Variants in TAF3 observed in about 807,000 individuals in gnomAD.
TAF3 encodes the protein transcription initiation factor TFIID subunit 3.
Under a neutral mutation model 80.6 loss-of-function variants are expected in TAF3, and 7 were observed. The observed-to-expected ratio is 0.09, with a 90% CI of 0.05 to 0.16. The LOEUF (loss-of-function observed/expected upper bound fraction) is 0.16, where lower values mean the gene tolerates loss of function less well. TAF3 is among the 10% of genes least tolerant of loss of function. TAF3 has a pLI of 1.00. For missense variants in TAF3, 921 were observed against 1,140.2 expected, an observed-to-expected ratio of 0.81 and a Z score of 2.77; for synonymous variants, 444 against 446.1, an observed-to-expected ratio of 1.00 and a Z score of 0.06.
intron 2 of TAF3, among the ~76,000 whole-genome samples, chr10:7,957,724 C>G (rs1197605038): frequency 6.7e-6 from 1 of 150,338 alleles, no homozygotes; most frequent in Non-Finnish European, 1.5e-5. Context: ...GTTCTTAGTT[C>G]TTTGGAAATA....
chr10:7,838,805 C>G (rs1313095912), intron 2 of TAF3, among the ~76,000 whole-genome samples: 1 of 151,994 alleles, frequency 6.6e-6, no homozygotes, highest in Non-Finnish European at 1.5e-5. Context: ...CTCTCTTGGC[C>G]CTCTCAGATA....
chr10:7,874,295 T>C (rs1837294893), intron 2 of TAF3, among the ~76,000 whole-genome samples: 1 of 152,182 alleles, frequency 6.6e-6, no homozygotes, highest in African/African-American at 2.4e-5. Flanking sequence ...TAGAGGCTAA[T>C]TATTTTTAAA....
At chr10:7,868,495 G>A (rs1004578138) in intron 2 of TAF3, among the ~76,000 whole-genome samples, 2 of 151,096 alleles carry the variant, frequency 1.3e-5, no homozygotes, top group African/African-American at 4.9e-5. Context: ...TAGCGGCCAA[G>A]TTCTAGTGAC....
intron 4 of TAF3, among the ~76,000 whole-genome samples, chr10:7,991,525 G>T (rs996467340): frequency 6.6e-6 from 1 of 151,916 alleles, no homozygotes; most frequent in Non-Finnish European, 1.5e-5. Flanking sequence ...TATTAACAGA[G>T]ATATAATATT....
chr10:7,933,850 A>G (rs1015752033), intron 2 of TAF3, among the ~76,000 whole-genome samples: 11 of 152,186 alleles, frequency 7.2e-5, no homozygotes, highest in African/African-American at 2.4e-4. Flanking sequence ...GGAGAAGAAA[A>G]CATGTTTTAT....
chr10:7,827,427 G>A (rs1179731542), intron 2 of TAF3, among the ~76,000 whole-genome samples: 2 of 152,126 alleles, frequency 1.3e-5, no homozygotes, highest in East Asian at 1.9e-4. Context: ...GGAGGCTGAA[G>A]CTTGAGCCCA....
chr10:7,966,579 C>T (rs1353510781), intron 3 of TAF3, among the ~76,000 whole-genome samples: 3 of 152,076 alleles, frequency 2.0e-5, no homozygotes, highest in South Asian at 2.1e-4. Context: ...ATAAACTTTC[C>T]GAAAAAGTAT....
At chr10:7,915,218 G>A (rs1222760154) in intron 2 of TAF3, among the ~76,000 whole-genome samples, 3 of 151,320 alleles carry the variant, frequency 2.0e-5, no homozygotes, top group Non-Finnish European at 3.0e-5. Context: ...GGGATTACGG[G>A]CAGGGCATGA....
In TAF3 at chr10:7,965,393, A is replaced by C; in HGVS notation, c.1883A>C (p.Lys628Thr). 1 of 1,610,588 alleles carries C rather than the reference A, an allele frequency of 6.2e-7. No individual in the cohort carries two copies. The highest frequency in any genetic ancestry group is 8.5e-7 in the Non-Finnish European group (1 of 1,179,200). Residue 628 changes from lysine (K) to threonine (T), a missense_variant, in exon 3 of 7, where the codon AAA becomes ACA. By Grantham distance (78) the Lys-to-Thr change is moderately conservative. This residue lies in a region of TAF3 where 743 missense variants were observed against 821.0 expected (regional missense o/e 0.90). Coordinates refer to ENST00000344293, the MANE Select transcript of TAF3 (RefSeq NM_031923.4). The part of the protein sequence containing the change: ...DKKKDREKGK[K>T]DKDKREKEKV... ...AAGAAAGATAGAGAGAAAGGCAAGA[A>C]AGATAAAGATAAGAGAGAGAAAGAA...
chr10:7,827,798 A>G (rs1311442292), intron 2 of TAF3, among the ~76,000 whole-genome samples: 1 of 150,786 alleles, frequency 6.6e-6, no homozygotes, highest in Non-Finnish European at 1.5e-5. Flanking sequence ...AAAAAAAAAC[A>G]AAAACAAAAA....
intron 2 of TAF3, among the ~76,000 whole-genome samples, chr10:7,955,729 T>C (rs990946463): frequency 6.6e-6 from 1 of 152,258 alleles, no homozygotes; most frequent in Admixed American, 6.5e-5. Context: ...AAAAATCCTT[T>C]TGGTGTGTCA....
chr10:7,866,464 G>A (rs950491899), intron 2 of TAF3, among the ~76,000 whole-genome samples: 2 of 152,204 alleles, frequency 1.3e-5, no homozygotes, highest in Admixed American at 6.5e-5. Flanking sequence ...GCCAGTCATC[G>A]TGACCAGCAA....
chr10:7,948,884 T>C (rs552220604), intron 2 of TAF3, among the ~76,000 whole-genome samples: 4 of 152,206 alleles, frequency 2.6e-5, no homozygotes, highest in Non-Finnish European at 5.9e-5. Context: ...CTTTATTAAA[T>C]GGTTTTGTTA....
At chr10:7,933,042 A>G (rs887472065) in intron 2 of TAF3, among the ~76,000 whole-genome samples, 2 of 151,994 alleles carry the variant, frequency 1.3e-5, no homozygotes, top group African/African-American at 4.8e-5. Flanking sequence ...CTAAATCCTT[A>G]TAGTTGGATA....
intron 2 of TAF3, among the ~76,000 whole-genome samples, chr10:7,869,049 A>G (rs960307699): frequency 2.6e-5 from 4 of 152,160 alleles, no homozygotes; most frequent in Non-Finnish European, 4.4e-5. Flanking sequence ...AAAACAATAC[A>G]TCGTAGAACA....
chr10:7,953,424 CTAA>C (rs1838103615), intron 2 of TAF3, among the ~76,000 whole-genome samples: 1 of 152,120 alleles, frequency 6.6e-6, no homozygotes, highest in Non-Finnish European at 1.5e-5. Flanking sequence ...AGAGATGGCC[CTAA>C]TAATAAAGAT....
intron 4 of TAF3, among the ~76,000 whole-genome samples, chr10:8,006,435 C>T (rs1234077032): frequency 6.6e-6 from 1 of 151,646 alleles, no homozygotes; most frequent in Admixed American, 6.6e-5. Flanking sequence ...TGGTGCCTGG[C>T]CCACAATTGG....
At chr10:7,982,923 C>G (rs567477066) in intron 4 of TAF3, among the ~76,000 whole-genome samples, 1 of 152,154 alleles carries the variant, frequency 6.6e-6, no homozygotes, top group Non-Finnish European at 1.5e-5. Context: ...TTAAGCACCT[C>G]TTCATCTCTA....
chr10:7,864,760 T>G (rs1837192801), intron 2 of TAF3, among the ~76,000 whole-genome samples: 3 of 152,250 alleles, frequency 2.0e-5, no homozygotes, highest in Admixed American at 1.3e-4. Flanking sequence ...GTTTGCTTTT[T>G]CATTTTATTA....
Sources: allele counts gnomAD v4.1 joint callset (sites outside exome capture counted in the v4.1 genomes callset), GRCh38; gene constraint gnomAD v4.1.1; regional missense constraint gnomAD v4.1.1; transcripts MANE v1.5; gene names NCBI Gene and HGNC (gene_info 2026-07-23, HGNC 2026-07-21).